Variants in YTHDF3 observed in about 807,000 individuals in gnomAD.
YTHDF3 encodes the protein YTH domain-containing family protein 3.
YTHDF3 carries 9 observed loss-of-function variants against 52.5 expected under a neutral mutation model. That is an observed-to-expected ratio of 0.17 (90% CI 0.10 to 0.30). The LOEUF is 0.30. YTHDF3 is among the 10% of genes least tolerant of loss of function. YTHDF3 has a pLI of 1.00. For missense variants in YTHDF3, 534 were observed against 715.0 expected, an observed-to-expected ratio of 0.75 and a Z score of 2.89; for synonymous variants, 274 against 243.3, an observed-to-expected ratio of 1.13 and a Z score of -1.18.
chr8:63,198,628 A>G (rs571806214), intron 4 of YTHDF3, among the ~76,000 whole-genome samples: 2 of 152,260 alleles, frequency 1.3e-5, no homozygotes, highest in Non-Finnish European at 1.5e-5. Flanking sequence ...CATATTTGGA[A>G]TAACTTTAAG....
chr8:63,182,259 T>A (rs1018945427), intron 3 of YTHDF3, among the ~76,000 whole-genome samples: 1 of 138,038 alleles, frequency 7.2e-6, no homozygotes, highest in African/African-American at 2.6e-5. Flanking sequence ...TTTTTTTTTT[T>A]AATGAGATAG....
rs774686493 is a variant in YTHDF3 at position 63,186,374 on chromosome 8, A to G, written c.363A>G (p.Gln121=). The G allele has an allele frequency of 3.7e-6, 6 of 1,613,960 alleles. No individual in the cohort carries two copies. Among genetic ancestry groups the G allele is most frequent in the South Asian group, 3.3e-5 (3 of 91,086 alleles). ...GAAATACCCCTCCATTTCTTGGTCA[A>G]CATGGATTTAACTTTTTTCCTGGTA... ...ALGNTPPFLG[Q]HGFNFFPGNA... The change falls in exon 4 of 5, where the codon CAA becomes CAG. Residue 121 remains glutamine, a synonymous_variant. Coordinates refer to ENST00000539294, the MANE Select transcript of YTHDF3 (RefSeq NM_152758.6).
intron 2 of YTHDF3, 85 bp from the exon 3 acceptor site, chr8:63,175,246 G>A (rs554481906): frequency 1.0e-6 from 1 of 967,144 alleles, no homozygotes; most frequent in Admixed American, 2.7e-5. Flanking sequence ...TACTTTTTTT[G>A]GCTTGAAAAA....
Position 63,168,686 on chromosome 8 carries a change from G to T in YTHDF3, c.-192G>T. On this transcript the variant is annotated 5_prime_UTR_variant, in exon 1 of 5. Coordinates refer to ENST00000539294, the MANE Select transcript of YTHDF3 (RefSeq NM_152758.6). Reference sequence around the variant, plus strand: ...AGAGAGCGAGAGGGGGAAGAGGAGCGTGCAAGCGGAAAAGACGGGCCTCTT... The same window carrying T: ...AGAGAGCGAGAGGGGGAAGAGGAGCTTGCAAGCGGAAAAGACGGGCCTCTT... 1 of 1,028,636 alleles carries T rather than the reference G, an allele frequency of 9.7e-7. No individual in the cohort carries two copies. Among genetic ancestry groups the T allele is most frequent in the Non-Finnish European group, 1.4e-6 (1 of 699,816 alleles). The allele number at this position is 1,028,636 out of a possible 1,614,324, so 63.7% of individuals were successfully genotyped here.
chr8:63,195,730 A>G (rs1399209112), intron 4 of YTHDF3, among the ~76,000 whole-genome samples: 1 of 108,112 alleles, frequency 9.2e-6, no homozygotes, highest in Non-Finnish European at 2.0e-5. Context: ...CCATGTATTT[A>G]CGTGTGTGTG....
chr8:63,185,485 T>C (rs1808437612), intron 3 of YTHDF3, among the ~76,000 whole-genome samples: 2 of 152,216 alleles, frequency 1.3e-5, no homozygotes, highest in Non-Finnish European at 1.5e-5. Flanking sequence ...AAGTCATGTC[T>C]GTTATTCCAC....
intron 3 of YTHDF3, among the ~76,000 whole-genome samples, chr8:63,180,834 C>T (rs544201169): frequency 4.7e-4 from 72 of 152,322 alleles, no homozygotes; most frequent in African/African-American, 1.4e-3. Context: ...ACCAGTCAGG[C>T]GTGGCGGCAA....
At chr8:63,202,564 C>T (rs1187318127) in intron 4 of YTHDF3, among the ~76,000 whole-genome samples, 4 of 151,458 alleles carry the variant, frequency 2.6e-5, no homozygotes, top group East Asian at 2.0e-4. Flanking sequence ...TGGGTTTAAG[C>T]GATTCTCCTG....
At chr8:63,172,210 TTTA>T (rs1177803373) in intron 2 of YTHDF3, among the ~76,000 whole-genome samples, 6 of 152,194 alleles carry the variant, frequency 3.9e-5, no homozygotes, top group Non-Finnish European at 5.9e-5. Context: ...ATTTTATTTT[TTTA>T]TTAAGTAGAA....
chr8:63,188,699 ATATTTTTTTTT>A (rs1808706572), intron 4 of YTHDF3: 1 of 56,718 alleles, frequency 1.8e-5, no homozygotes, highest in African/African-American at 8.1e-5. Flanking sequence ...ATATATATAT[ATATTTTTTTTT>A]TTTTTTTTTT....
rs137930292 is a variant in YTHDF3, at chr8:63,176,788, C to T, written c.135+1372C>T. Among the ~76,000 whole-genome samples the T allele has an allele frequency of 4.4e-3, 662 of 152,048 alleles. 5 individuals carry two copies. Among genetic ancestry groups the T allele is most frequent in the African/African-American group, 0.015 (617 of 41,466 alleles). On this transcript the variant is annotated intron_variant, in intron 3 of 4. Transcript: ENST00000539294. ...TGCCTCCCAGGCTCAAGTGATTCTT[C>T]TGCCTCAACCTCCTGAATAGCTGGG... is the stretch of plus-strand genomic sequence containing the variant.
rs1436049766 is a variant in YTHDF3, at chr8:63,186,694, T to G, written c.683T>G (p.Val228Gly). The change falls in exon 4 of 5, where the codon GTT (valine) becomes GGT (glycine). Residue 228 changes from valine (V) to glycine (G), a missense_variant. Val to Gly is a moderately radical substitution (Grantham distance 109). Coordinates refer to ENST00000539294, the MANE Select transcript of YTHDF3 (RefSeq NM_152758.6). The stretch of plus-strand genomic sequence containing the variant: ...ATTGCAACCAATAGTGTGCCCCCAG[T>G]TAGCAGTGCAGCACCTAAACCAACC... ...TSIATNSVPP[V>G]SSAAPKPTSW... is the part of the protein sequence containing the mutation. 2 of 1,613,948 alleles carry G rather than the reference T, an allele frequency of 1.2e-6. No homozygotes were observed. The highest frequency in any genetic ancestry group is 2.2e-5 in the South Asian group (2 of 91,080).
At chr8:63,184,120 A>G (rs933010504) in intron 3 of YTHDF3, among the ~76,000 whole-genome samples, 2 of 152,238 alleles carry the variant, frequency 1.3e-5, no homozygotes, top group African/African-American at 4.8e-5. Flanking sequence ...GGTTGAATCC[A>G]CAGATGTAGA....
At chr8:63,203,004 G>A (rs1809742395) in intron 4 of YTHDF3, among the ~76,000 whole-genome samples, 1 of 152,068 alleles carries the variant, frequency 6.6e-6, no homozygotes, top group South Asian at 2.1e-4. Flanking sequence ...CACTAAGGGA[G>A]GCCAAGGCAC....
At chr8:63,209,130 A>C (rs1314991243) in intron 4 of YTHDF3, among the ~76,000 whole-genome samples, 1 of 152,102 alleles carries the variant, frequency 6.6e-6, no homozygotes, top group African/African-American at 2.4e-5. Context: ...GGCCTCCCAG[A>C]GTGCTGGGAT....
chr8:63,188,482 A>G (rs1019789561), intron 4 of YTHDF3, among the ~76,000 whole-genome samples: 6 of 149,624 alleles, frequency 4.0e-5, no homozygotes, highest in Non-Finnish European at 7.4e-5. Context: ...ACACACCACC[A>G]CGCCTGGCTA....
intron 3 of YTHDF3, among the ~76,000 whole-genome samples, chr8:63,184,715 G>T (rs1478898903): frequency 1.3e-5 from 2 of 152,192 alleles, no homozygotes; most frequent in Non-Finnish European, 2.9e-5. Context: ...TTACTCCAAA[G>T]AACTTTGACT....
chr8:63,179,989 C>G (rs926378319), intron 3 of YTHDF3, among the ~76,000 whole-genome samples: 4 of 149,562 alleles, frequency 2.7e-5, no homozygotes, highest in African/African-American at 7.4e-5. Context: ...CCCCCCACCT[C>G]CCTCCCGGAT....
chr8:63,191,748 T>A (rs1353661492), intron 4 of YTHDF3, among the ~76,000 whole-genome samples: 2 of 152,224 alleles, frequency 1.3e-5, no homozygotes, highest in Non-Finnish European at 2.9e-5. Flanking sequence ...ATTGAAATTA[T>A]GTACTATATG....
Sources: allele counts gnomAD v4.1 joint callset (sites outside exome capture counted in the v4.1 genomes callset), GRCh38; gene constraint gnomAD v4.1.1; transcripts MANE v1.5; gene names NCBI Gene and HGNC (gene_info 2026-07-23, HGNC 2026-07-21).